Variants in KCNN2 observed in about 807,000 individuals in gnomAD.
The protein encoded by KCNN2 is small conductance calcium-activated potassium channel protein 2.
Under a neutral mutation model 55.5 loss-of-function variants are expected in KCNN2, and 24 were observed. That is an observed-to-expected ratio of 0.43 (90% CI 0.31 to 0.61). The LOEUF (loss-of-function observed/expected upper bound fraction) is 0.61, where lower values mean the gene tolerates loss of function less well. Among genes scored for constraint, KCNN2 ranks in the 20% least tolerant of loss-of-function variants. KCNN2 has a pLI of 0.08. For synonymous variants in KCNN2, 431 were observed against 336.1 expected (o/e 1.28, Z -3.09); for missense variants, 754 against 853.6 (o/e 0.88, Z 1.45).
intron 2 of KCNN2, among the ~76,000 whole-genome samples, chr5:114,255,102 T>C (rs1237879286): frequency 6.6e-6 from 1 of 152,188 alleles, no homozygotes; most frequent in East Asian, 1.9e-4. Flanking sequence ...GACTGCTTGA[T>C]GACAGTTACT....
chr5:114,294,918 C>T (rs1755975021), intron 2 of KCNN2, among the ~76,000 whole-genome samples: 2 of 152,108 alleles, frequency 1.3e-5, no homozygotes, highest in South Asian at 4.1e-4. Context: ...ATCCCTTTAC[C>T]ATTATGTAAT....
chr5:114,424,905 G>GTTGA (rs1287579877), intron 3 of KCNN2, among the ~76,000 whole-genome samples: 1 of 152,176 alleles, frequency 6.6e-6, no homozygotes, highest in Non-Finnish European at 1.5e-5. Context: ...ATGCCCAGAT[G>GTTGA]TTGAAAGGTA....
chr5:114,215,706 A>G (rs1296440297), intron 1 of KCNN2, among the ~76,000 whole-genome samples: 1 of 152,130 alleles, frequency 6.6e-6, no homozygotes, highest in Non-Finnish European at 1.5e-5. Context: ...AAGAGACAAG[A>G]TGGCAATAAT....
chr5:114,120,795 T>C (rs1025087405), intron 1 of KCNN2, among the ~76,000 whole-genome samples: 1 of 152,218 alleles, frequency 6.6e-6, no homozygotes, highest in Non-Finnish European at 1.5e-5. Context: ...TGGAACACTT[T>C]GCCATTTTGT....
intron 3 of KCNN2, among the ~76,000 whole-genome samples, chr5:114,448,395 C>G (rs745836490): frequency 1.3e-5 from 2 of 152,118 alleles, no homozygotes; most frequent in Non-Finnish European, 2.9e-5. Context: ...CTGTGCTCCT[C>G]CTGCATGAAC....
chr5:114,460,588 G>A (rs965949911), intron 3 of KCNN2, among the ~76,000 whole-genome samples: 1 of 152,096 alleles, frequency 6.6e-6, no homozygotes, highest in Non-Finnish European at 1.5e-5. Context: ...ACTCACTGTG[G>A]CAGTGAAAAA....
intron 2 of KCNN2, among the ~76,000 whole-genome samples, chr5:114,286,324 G>A (rs1219429118): frequency 6.6e-6 from 1 of 152,152 alleles, no homozygotes; most frequent in Non-Finnish European, 1.5e-5. Context: ...TATCAGAGAA[G>A]CAGTTAGAGA....
chr5:114,474,297 A>G (rs1369827963), intron 5 of KCNN2, among the ~76,000 whole-genome samples: 2 of 152,194 alleles, frequency 1.3e-5, no homozygotes, highest in Non-Finnish European at 2.9e-5. Context: ...TTGCCTGCTC[A>G]TGCTAAGTCT....
chr5:114,198,571 G>A (rs963017449), intron 1 of KCNN2, among the ~76,000 whole-genome samples: 2 of 151,736 alleles, frequency 1.3e-5, no homozygotes, highest in African/African-American at 4.8e-5. Flanking sequence ...ATACACATAC[G>A]TGTATAGGTA....
At chr5:114,419,739 C>T (rs971411645) in intron 3 of KCNN2, among the ~76,000 whole-genome samples, 1 of 152,164 alleles carries the variant, frequency 6.6e-6, no homozygotes, top group Non-Finnish European at 1.5e-5. Flanking sequence ...GCCTGTTATC[C>T]CAGCAATTGG....
At chr5:114,291,729 T>A (rs148316776) in intron 2 of KCNN2, among the ~76,000 whole-genome samples, 10,834 of 152,246 alleles carry the variant, frequency 0.071, 1,313 homozygotes, top group African/African-American at 0.25. Context: ...CTAGGTCAAA[T>A]GGTATTTCTA....
intron 2 of KCNN2, among the ~76,000 whole-genome samples, chr5:114,327,503 TAAA>T (rs558677360): frequency 6.6e-6 from 1 of 152,164 alleles, no homozygotes; most frequent in East Asian, 1.9e-4. Context: ...TCTGAAAAGA[TAAA>T]AAACGCTGAG....
At chr5:114,325,362 T>A (rs1034612526) in intron 2 of KCNN2, among the ~76,000 whole-genome samples, 2 of 152,158 alleles carry the variant, frequency 1.3e-5, no homozygotes, top group African/African-American at 4.8e-5. Context: ...TCTCAACCTA[T>A]CCAGATTGCA....
intron 4 of KCNN2, among the ~76,000 whole-genome samples, chr5:114,465,934 G>A (rs537683099): frequency 8.5e-5 from 13 of 152,214 alleles, no homozygotes; most frequent in South Asian, 4.2e-4. Context: ...GTCAGGCTAC[G>A]GGGCAGTCTT....
chr5:114,089,442 G>C (rs1224093640), intron 1 of KCNN2, among the ~76,000 whole-genome samples: 1 of 152,130 alleles, frequency 6.6e-6, no homozygotes, highest in Non-Finnish European at 1.5e-5. Flanking sequence ...AGCGCCAGTT[G>C]TTCAGTGTAC....
chr5:114,415,410 T>C (rs1264730829), intron 3 of KCNN2, among the ~76,000 whole-genome samples: 1 of 152,212 alleles, frequency 6.6e-6, no homozygotes, highest in African/African-American at 2.4e-5. Context: ...CTTGACAACA[T>C]TGTCAGTTGT....
chr5:114,208,434 A>G (rs1019419461), intron 1 of KCNN2, among the ~76,000 whole-genome samples: 3 of 152,170 alleles, frequency 2.0e-5, no homozygotes, highest in Non-Finnish European at 4.4e-5. Flanking sequence ...TAATGCTGAC[A>G]TCTTTCATTC....
intron 1 of KCNN2, among the ~76,000 whole-genome samples, chr5:114,153,672 C>A (rs989006851): frequency 6.6e-6 from 1 of 152,120 alleles, no homozygotes; most frequent in African/African-American, 2.4e-5. Context: ...AAGCAGCCAT[C>A]CTTATCTCTG....
intron 2 of KCNN2, among the ~76,000 whole-genome samples, chr5:114,263,219 A>T (rs1755145026): frequency 6.6e-6 from 1 of 152,106 alleles, no homozygotes; most frequent in South Asian, 2.1e-4. Context: ...GATGGGTTGG[A>T]TGTGTGCATG....
Sources: allele counts gnomAD v4.1 joint callset (sites outside exome capture counted in the v4.1 genomes callset), GRCh38; gene constraint gnomAD v4.1.1; transcripts MANE v1.5; gene names NCBI Gene and HGNC (gene_info 2026-07-23, HGNC 2026-07-21).